Variants in AGBL1 observed in about 807,000 individuals in gnomAD.
AGBL1 encodes the protein cytosolic carboxypeptidase 4.
A neutral mutation model predicts 118.9 loss-of-function variants in AGBL1; 130 were observed. That is an observed-to-expected ratio of 1.09 (90% confidence interval 0.95 to 1.26). The LOEUF is 1.26. Among genes scored for constraint, AGBL1 ranks in the 50% most tolerant of loss-of-function variants. The pLI, the probability that AGBL1 is intolerant of heterozygous loss-of-function variation, is 0.00. For missense variants in AGBL1, 1,584 were observed against 1,298.1 expected, an observed-to-expected ratio of 1.22 and a Z score of -3.38; for synonymous variants, 555 against 478.9, an observed-to-expected ratio of 1.16 and a Z score of -2.08.
intron 6 of AGBL1, among the ~76,000 whole-genome samples, chr15:86,235,940 G>A (rs756456061): frequency 2.0e-5 from 3 of 152,174 alleles, no homozygotes; most frequent in Non-Finnish European, 4.4e-5. Context: ...CAAGATGTCA[G>A]TAGTGTGAGG....
At chr15:86,585,131 G>C (rs1335633388) in intron 21 of AGBL1, among the ~76,000 whole-genome samples, 1 of 152,160 alleles carries the variant, frequency 6.6e-6, no homozygotes, top group Non-Finnish European at 1.5e-5. Context: ...TCTATGAAGA[G>C]AGATAATTTG....
At chr15:86,269,794 C>G (rs1471023321) in intron 13 of AGBL1, 125 bp from the exon 14 acceptor site, 4 of 1,114,216 alleles carry the variant, frequency 3.6e-6, no homozygotes, top group East Asian at 2.6e-5. Flanking sequence ...GTATAACTTA[C>G]CAGCTGGCTG....
In AGBL1 at chr15:86,378,290, T is replaced by TA. The variant is rs2081066759; in HGVS notation, c.2375-19073dup. Among the ~76,000 whole-genome samples the TA allele has an allele frequency of 2.6e-5, 4 of 152,310 alleles. No homozygotes were observed. In the South Asian group the frequency reaches 8.3e-4, roughly 32 times the overall value. The stretch of plus-strand genomic sequence containing the variant: ...AATATCATATTTCTCAAAACCCTAT[T>TA]AAACTGTCACATAAATTCCCTTTAT... On this transcript the variant is annotated intron_variant, in intron 17 of 22. Coordinates refer to ENST00000614907, the MANE Select transcript of AGBL1 (RefSeq NM_001386094.1).
At chr15:86,189,401 T>G (rs1272676968) in intron 5 of AGBL1, among the ~76,000 whole-genome samples, 1 of 152,266 alleles carries the variant, frequency 6.6e-6, no homozygotes. Flanking sequence ...AAATATTAAG[T>G]ATTCCATTGT....
At chr15:86,623,716 C>A (rs1276845769) in intron 21 of AGBL1, among the ~76,000 whole-genome samples, 1 of 152,210 alleles carries the variant, frequency 6.6e-6, no homozygotes. Context: ...TAGTGCTTTT[C>A]TAAATAATTT....
intron 24 of AGBL1, among the ~76,000 whole-genome samples, chr15:87,020,096 G>C (rs1347489203): frequency 6.6e-6 from 1 of 152,046 alleles, no homozygotes; most frequent in African/African-American, 2.4e-5. Flanking sequence ...CCAATAATAA[G>C]TTCTGATATT....
chr15:86,899,451 T>C (rs2080181409), intron 22 of AGBL1, among the ~76,000 whole-genome samples: 1 of 152,018 alleles, frequency 6.6e-6, no homozygotes, highest in African/African-American at 2.4e-5. Context: ...AATAGCTGAG[T>C]GATGAAATAA....
intron 22 of AGBL1, among the ~76,000 whole-genome samples, chr15:86,716,080 AAAG>A (rs1053559787): frequency 6.6e-6 from 1 of 151,990 alleles, no homozygotes; most frequent in Non-Finnish European, 1.5e-5. Flanking sequence ...AAAAAAAAAA[AAAG>A]AAATCAGTTA....
At chr15:86,279,566 A>G (rs1172635510) in intron 15 of AGBL1, 73 bp from the exon 16 acceptor site, 1 of 1,441,086 alleles carries the variant, frequency 6.9e-7, no homozygotes, top group Non-Finnish European at 9.6e-7. Context: ...TATAGCATCT[A>G]GGACCCTAAA....
chr15:86,104,140 G>T (rs1459279997), intron 1 of AGBL1, among the ~76,000 whole-genome samples: 2 of 152,064 alleles, frequency 1.3e-5, no homozygotes, highest in Non-Finnish European at 2.9e-5. Flanking sequence ...GTGGTAAATG[G>T]GGCAGGGTGA....
intron 22 of AGBL1, among the ~76,000 whole-genome samples, chr15:86,870,727 G>A (rs2141503319): frequency 6.6e-6 from 1 of 152,270 alleles, no homozygotes; most frequent in East Asian, 1.9e-4. Flanking sequence ...GAAAAGAGAT[G>A]CAGTGTAATC....
At chr15:86,220,134 A>T (rs181061770) in intron 5 of AGBL1, among the ~76,000 whole-genome samples, 1 of 151,774 alleles carries the variant, frequency 6.6e-6, no homozygotes, top group African/African-American at 2.4e-5. Flanking sequence ...TGTAGTTTTT[A>T]GTAGAGATGG....
At chr15:86,677,394 T>C (rs1337083992) in intron 22 of AGBL1, among the ~76,000 whole-genome samples, 1 of 152,184 alleles carries the variant, frequency 6.6e-6, no homozygotes, top group East Asian at 1.9e-4. Context: ...TGATCTTTCC[T>C]CTCCTCTTCC....
At chr15:86,734,299 G>C (rs1046952321) in intron 22 of AGBL1, among the ~76,000 whole-genome samples, 2 of 152,032 alleles carry the variant, frequency 1.3e-5, no homozygotes, top group African/African-American at 4.8e-5. Context: ...CCCTGAGTGG[G>C]GTATTCCAAT....
intron 22 of AGBL1, among the ~76,000 whole-genome samples, chr15:86,895,060 T>G (rs964120845): frequency 3.3e-5 from 5 of 151,076 alleles, no homozygotes; most frequent in Non-Finnish European, 7.4e-5. Context: ...CTTCTTTCTT[T>G]TATCTTCCCT....
chr15:86,431,396 C>A (rs1403365870), intron 18 of AGBL1, among the ~76,000 whole-genome samples: 1 of 152,208 alleles, frequency 6.6e-6, no homozygotes, highest in African/African-American at 2.4e-5. Flanking sequence ...GCACACAGTG[C>A]TAAGCACAGG....
intron 22 of AGBL1, among the ~76,000 whole-genome samples, chr15:86,691,060 T>C (rs1422813497): frequency 1.3e-5 from 2 of 152,120 alleles, no homozygotes; most frequent in African/African-American, 2.4e-5. Context: ...CATTTTTTTT[T>C]CCTAGACAAT....
chr15:86,649,382 A>C (rs1241298179), intron 21 of AGBL1, among the ~76,000 whole-genome samples: 1 of 152,176 alleles, frequency 6.6e-6, no homozygotes, highest in Non-Finnish European at 1.5e-5. Context: ...GAGGTAAGTA[A>C]TTGTTCAACA....
chr15:86,218,469 C>T (rs925190236), intron 5 of AGBL1, among the ~76,000 whole-genome samples: 8 of 152,138 alleles, frequency 5.3e-5, no homozygotes, highest in African/African-American at 1.9e-4. Context: ...TGATCCTCAC[C>T]TCCTGTTGTT....
Sources: allele counts gnomAD v4.1 joint callset (sites outside exome capture counted in the v4.1 genomes callset), GRCh38; gene constraint gnomAD v4.1.1; transcripts MANE v1.5; gene names NCBI Gene and HGNC (gene_info 2026-07-23, HGNC 2026-07-21).